Variants in STXBP5 observed in about 807,000 individuals in gnomAD.
STXBP5 encodes the protein syntaxin binding protein 5, also known as syntaxin-binding protein 5.
STXBP5 carries 50 observed loss-of-function variants against 152.4 expected under a neutral mutation model. That is an observed-to-expected ratio of 0.33 (90% CI 0.26 to 0.42). The LOEUF (loss-of-function observed/expected upper bound fraction) is 0.42. Ranked by LOEUF, STXBP5 falls within the 10% of genes least tolerant of loss-of-function variation. The pLI is 1.00. For missense variants in STXBP5, 1,167 were observed against 1,388.6 expected (o/e 0.84, Z 2.54); for synonymous variants, 492 against 494.7 (o/e 0.99, Z 0.07).
intron 7 of STXBP5, among the ~76,000 whole-genome samples, chr6:147,271,650 A>G (rs937171288): frequency 1.3e-5 from 2 of 152,160 alleles, no homozygotes; most frequent in Non-Finnish European, 2.9e-5. Flanking sequence ...TATCCATTAT[A>G]GCATTAAATG....
At chr6:147,242,525 G>A (rs1381458625) in intron 4 of STXBP5, among the ~76,000 whole-genome samples, 6 of 152,048 alleles carry the variant, frequency 3.9e-5, no homozygotes, top group Non-Finnish European at 7.4e-5. Context: ...TGCAAGCTCC[G>A]TTCATGATAA....
At chr6:147,343,955 C>T (rs1784203572) in intron 21 of STXBP5, among the ~76,000 whole-genome samples, 1 of 152,004 alleles carries the variant, frequency 6.6e-6, no homozygotes. Context: ...TACAGTGATA[C>T]CATTTTTACA....
In STXBP5 at chr6:147,360,477, G is replaced by C. The variant is rs1023490179; in HGVS notation, c.2545+1154G>C. ...TTTGTTTATACAGCCATTCAATTTT[G>C]CCATTTTTTTTTAAACTTTGGGATC... is the stretch of plus-strand genomic sequence containing the variant. On this transcript the variant is annotated intron_variant, in intron 23 of 27. Coordinates refer to ENST00000321680, the MANE Select transcript of STXBP5 (RefSeq NM_001127715.4). Among the ~76,000 whole-genome samples the C allele has an allele frequency of 1.2e-4, 18 of 152,034 alleles. 1 individual carries two copies. The highest frequency in any genetic ancestry group is 4.1e-4 in the African/African-American group (17 of 41,406).
intron 11 of STXBP5, among the ~76,000 whole-genome samples, chr6:147,312,821 A>G (rs1424793816): frequency 2.0e-5 from 3 of 152,162 alleles, no homozygotes; most frequent in African/African-American, 7.2e-5. Context: ...CTTATTCTTA[A>G]TATGATTTTC....
At position 147,389,971 on chromosome 6, in the gene STXBP5, T is replaced by A. The variant is rs959273905; in HGVS notation, c.*5216T>A. On this transcript the variant is annotated 3_prime_UTR_variant, in exon 28 of 28. Coordinates refer to ENST00000321680, the MANE Select transcript of STXBP5 (RefSeq NM_001127715.4). ...GTAAATGCATTACCAAAAGACAATA[T>A]GAAAAAGAGCAAGATTAAGTTTTTC... The A allele has an allele frequency of 2.6e-5, 4 of 151,944 alleles. No individual in the cohort carries two copies. Among genetic ancestry groups the A allele is most frequent in the African/African-American group, 9.7e-5 (4 of 41,430 alleles). The allele number at this position is 151,944 out of a possible 1,614,324, so 9.4% of individuals were successfully genotyped here. A position where few individuals can be genotyped will look rare whatever the true frequency, so the allele number is the denominator to read the frequency against.
At chr6:147,300,528 T>C (rs1169870114) in intron 9 of STXBP5, among the ~76,000 whole-genome samples, 1 of 152,014 alleles carries the variant, frequency 6.6e-6, no homozygotes, top group Non-Finnish European at 1.5e-5. Context: ...CCAGTTGATT[T>C]CCAAGAAAGA....
At chr6:147,291,279 C>A in intron 9 of STXBP5, 107 bp downstream of exon 9, 1 of 697,074 alleles carries the variant, frequency 1.4e-6, no homozygotes. Flanking sequence ...TAGTCTACAC[C>A]ATTCTTAAAT....
chr6:147,378,249 C>G (rs1234257866), intron 26 of STXBP5, among the ~76,000 whole-genome samples: 1 of 151,274 alleles, frequency 6.6e-6, no homozygotes, highest in East Asian at 1.9e-4. Flanking sequence ...AACCTTGATA[C>G]CAAAAACCAA....
intron 21 of STXBP5, among the ~76,000 whole-genome samples, chr6:147,347,070 A>G (rs1256281908): frequency 1.3e-5 from 2 of 152,154 alleles, no homozygotes; most frequent in Admixed American, 1.3e-4. Context: ...GAGAGGAGGA[A>G]CTGCTCCAAG....
intron 23 of STXBP5, among the ~76,000 whole-genome samples, chr6:147,361,987 G>A (rs1785086369): frequency 6.6e-6 from 1 of 152,084 alleles, no homozygotes; most frequent in Admixed American, 6.6e-5. Flanking sequence ...GTAGAGTAGG[G>A]TTACTAGATT....
rs1272474257 is a variant in STXBP5 at position 147,256,776 on chromosome 6, TTTC to T, written c.432-3836_432-3834del. On this transcript the variant is annotated intron_variant, in intron 4 of 27. Transcript: ENST00000321680. ...GATAGGTTCCCATATTTTGTATGGT[TTTC>T]TTGCTCATTTAATAAAGACTTACTG... Among the ~76,000 whole-genome samples the T allele has an allele frequency of 2.0e-5, 3 of 152,302 alleles. No individual in the cohort carries two copies. In the South Asian group the frequency reaches 6.2e-4, roughly 32 times the overall value.
chr6:147,325,795 A>G (rs1783220453), intron 17 of STXBP5, among the ~76,000 whole-genome samples: 1 of 152,144 alleles, frequency 6.6e-6, no homozygotes, highest in Admixed American at 6.5e-5. Context: ...GGTAGCTCCC[A>G]CCACCTATTC....
intron 26 of STXBP5, among the ~76,000 whole-genome samples, chr6:147,381,811 T>A (rs1052144812): frequency 6.6e-6 from 1 of 152,100 alleles, no homozygotes; most frequent in African/African-American, 2.4e-5. Flanking sequence ...TCCATTTAAA[T>A]GAAATACTCA....
At chr6:147,364,767 A>T (rs1346145684) in intron 25 of STXBP5, among the ~76,000 whole-genome samples, 2 of 152,204 alleles carry the variant, frequency 1.3e-5, no homozygotes, top group Non-Finnish European at 2.9e-5. Context: ...TGCTCTGGAA[A>T]TATTGAGCTA....
Position 147,206,036 on chromosome 6 carries a change from G to A in STXBP5, c.216G>A (p.Leu72=). ...CCTTTGATCCTGTACAGAAGATCCT[G>A]GCAGTGGGAACTCAGACTGGTGCTT... The part of the protein sequence containing the change: ...ALAFDPVQKI[L]AVGTQTGALR... The change falls in exon 2 of 28, where the codon CTG becomes CTA. Residue 72 remains leucine, a synonymous_variant. Coordinates refer to ENST00000321680, the MANE Select transcript of STXBP5 (RefSeq NM_001127715.4). 1.2e-6 allele frequency: 2 copies of A among 1,614,100 alleles called. No homozygotes were observed. The highest frequency in any genetic ancestry group is 1.7e-6 in the Non-Finnish European group (2 of 1,179,998).
chr6:147,248,656 T>TA (rs1778936725), intron 4 of STXBP5, among the ~76,000 whole-genome samples: 1 of 152,186 alleles, frequency 6.6e-6, no homozygotes. Flanking sequence ...ATTTTATTCC[T>TA]AAACAGGTAC....
chr6:147,273,700 C>T (rs1780293480), intron 7 of STXBP5, among the ~76,000 whole-genome samples: 1 of 152,068 alleles, frequency 6.6e-6, no homozygotes, highest in African/African-American at 2.4e-5. Flanking sequence ...GCCTGTAATC[C>T]CAGCACTTTG....
At chr6:147,338,489 A>G (rs1783938074) in intron 19 of STXBP5, among the ~76,000 whole-genome samples, 1 of 151,998 alleles carries the variant, frequency 6.6e-6, no homozygotes, top group Non-Finnish European at 1.5e-5. Flanking sequence ...GTTATAAATT[A>G]AAGAAATACT....
intron 9 of STXBP5, among the ~76,000 whole-genome samples, chr6:147,295,410 G>C (rs1781465752): frequency 6.6e-6 from 1 of 152,146 alleles, no homozygotes; most frequent in South Asian, 2.1e-4. Flanking sequence ...CCTTGAGCAA[G>C]ACGTCTGACT....
Sources: gnomAD v4.1 joint callset for allele counts (sites outside exome capture counted in the v4.1 genomes callset) on GRCh38, gnomAD v4.1.1 for gene constraint, MANE v1.5 for transcripts, NCBI Gene and HGNC (gene_info 2026-07-23, HGNC 2026-07-21) for gene names.